Variants in ARHGEF10 observed in about 807,000 individuals in gnomAD.
The protein encoded by ARHGEF10 is Rho guanine nucleotide exchange factor (GEF) 10.
A neutral mutation model predicts 147.4 loss-of-function variants in ARHGEF10; 140 were observed. The observed-to-expected ratio is 0.95, with a 90% CI of 0.83 to 1.09. ARHGEF10 has a LOEUF of 1.09. Among genes scored for constraint, ARHGEF10 ranks in the 50% least tolerant of loss-of-function variants. The pLI is 0.00. For missense variants in ARHGEF10, 2,222 were observed against 1,752.7 expected, an observed-to-expected ratio of 1.27 and a Z score of -4.78; for synonymous variants, 902 against 695.8, an observed-to-expected ratio of 1.30 and a Z score of -4.67.
rs1814494767 is a variant in ARHGEF10, at chr8:1,945,497, A to G, written c.3239A>G (p.His1080Arg). Residue 1080 changes from histidine (H) to arginine (R), a missense_variant, in exon 27 of 29, where the codon CAC (histidine) becomes CGC (arginine). Physicochemically the swap from His to Arg is conservative, Grantham distance 29. Coordinates refer to ENST00000349830, the MANE Select transcript of ARHGEF10 (RefSeq NM_014629.4). ...ATTTCACAGGGTCAGCTGGAGGCCC[A>G]CCAGGAGGAAGGCATGGTGATCTCC... ...THAVEGQLEA[H>R]QEEGMVISHM... The G allele has an allele frequency of 6.2e-7, 1 of 1,606,540 alleles. No homozygotes were observed. Among genetic ancestry groups the G allele is most frequent in the South Asian group, 1.1e-5 (1 of 89,960 alleles).
chr8:1,950,037 G>C (rs1017213468), intron 27 of ARHGEF10, among the ~76,000 whole-genome samples: 11 of 152,178 alleles, frequency 7.2e-5, no homozygotes, highest in Non-Finnish European at 1.2e-4. Context: ...GCCTGCAGAA[G>C]GCCCTGGTGA....
At chr8:1,890,085 G>T (rs753891745) in intron 11 of ARHGEF10, among the ~76,000 whole-genome samples, 4 of 147,378 alleles carry the variant, frequency 2.7e-5, no homozygotes, top group African/African-American at 7.6e-5. Context: ...GTGGTGTGAG[G>T]GGTCTGTGAG....
At chr8:1,900,994 C>T (rs1008231594) in intron 15 of ARHGEF10, among the ~76,000 whole-genome samples, 1 of 152,054 alleles carries the variant, frequency 6.6e-6, no homozygotes, top group African/African-American at 2.4e-5. Flanking sequence ...TTTTTGCCCA[C>T]ATTTGATGAA....
chr8:1,946,317 G>A (rs1814586698), intron 27 of ARHGEF10, among the ~76,000 whole-genome samples: 1 of 152,220 alleles, frequency 6.6e-6, no homozygotes, highest in Non-Finnish European at 1.5e-5. Context: ...TAAGGGGAAG[G>A]CATGAAGTAA....
intron 4 of ARHGEF10, 29 bp downstream of exon 4, chr8:1,860,213 G>C (rs140947400): frequency 1.9e-6 from 3 of 1,607,060 alleles, no homozygotes; most frequent in Non-Finnish European, 8.5e-7. Context: ...CCACGCCCCC[G>C]AAGTGGCCTG....
intron 1 of ARHGEF10, among the ~76,000 whole-genome samples, chr8:1,835,716 G>A (rs1388476793): frequency 1.3e-5 from 2 of 152,162 alleles, no homozygotes; most frequent in Non-Finnish European, 2.9e-5. Context: ...GCACAGGTGC[G>A]GGTGTGTCCC....
intron 1 of ARHGEF10, among the ~76,000 whole-genome samples, chr8:1,836,718 T>C (rs926926425): frequency 6.6e-5 from 10 of 152,256 alleles, no homozygotes; most frequent in African/African-American, 2.4e-4. Flanking sequence ...GCCCCTGATA[T>C]GGTTTGGCTG....
chr8:1,838,759 G>C (rs1156508790), intron 1 of ARHGEF10, among the ~76,000 whole-genome samples: 2 of 152,246 alleles, frequency 1.3e-5, no homozygotes, highest in Non-Finnish European at 2.9e-5. Flanking sequence ...GGGGCCATCT[G>C]GCATGGGGGC....
At chr8:1,946,797 G>C (rs549990867) in intron 27 of ARHGEF10, among the ~76,000 whole-genome samples, 1 of 152,330 alleles carries the variant, frequency 6.6e-6, no homozygotes, top group Non-Finnish European at 1.5e-5. Context: ...AGGATGAGGA[G>C]GCCGAGGAGG....
intron 7 of ARHGEF10, 178 bp from the exon 8 acceptor site, chr8:1,876,393 T>C: frequency 1.5e-6 from 1 of 666,510 alleles, no homozygotes; most frequent in Non-Finnish European, 2.6e-6. Context: ...GCCCGGGTGG[T>C]GGAGGCGCTG....
At chr8:1,889,151 T>C (rs1809140590) in intron 11 of ARHGEF10, among the ~76,000 whole-genome samples, 1 of 78,896 alleles carries the variant, frequency 1.3e-5, no homozygotes, top group Non-Finnish European at 2.4e-5. Context: ...GTGAGGGTTG[T>C]GAGGAGACGC....
At chr8:1,892,842 A>C (rs752945057) in intron 11 of ARHGEF10, among the ~76,000 whole-genome samples, 1 of 152,112 alleles carries the variant, frequency 6.6e-6, no homozygotes, top group African/African-American at 2.4e-5. Context: ...TACAATGATC[A>C]CTAGCTGGAC....
At position 1,905,588 on chromosome 8, in the gene ARHGEF10, C is replaced by T. The variant is rs753668896; in HGVS notation, c.1839C>T (p.Ser613=). 1.9e-6 allele frequency: 3 copies of T among 1,614,062 alleles called. No homozygotes were observed. In the South Asian group the frequency reaches 3.3e-5, roughly 18 times the overall value. ...RYLNKLLSSG[S]RYLIRSDDMI... ...ATGTCCAGCTTCTCAGCAGTGGAAG[C>T]CGATACCTCATTCGATCAGATGATA... The change falls in exon 17 of 29, where the codon AGC becomes AGT. Residue 613 remains serine, a synonymous_variant. Coordinates refer to ENST00000349830, the MANE Select transcript of ARHGEF10 (RefSeq NM_014629.4).
At position 1,937,668 on chromosome 8, in the gene ARHGEF10, G is replaced by A. The variant is rs941709311; in HGVS notation, c.3222+3726G>A. 6.6e-6 allele frequency among the ~76,000 whole-genome samples: 1 copy of A among 152,228 alleles called. No individual in the cohort carries two copies. The highest frequency in any genetic ancestry group is 1.5e-5 in the Non-Finnish European group (1 of 68,026). Reference sequence around the variant, plus strand: ...TGCAGGGGAACTGTGGCCAGGGGCTGGGGCAGCCCACAGGACCTGAGCCCA... The same window carrying A: ...TGCAGGGGAACTGTGGCCAGGGGCTAGGGCAGCCCACAGGACCTGAGCCCA... On this transcript the variant is annotated intron_variant, in intron 26 of 28. Transcript: ENST00000349830. This position sits in a 1 kb window ranked among gnomAD's most constrained non-coding sequence, Gnocchi z 4.9.
chr8:1,844,713 G>A (rs866012467), intron 2 of ARHGEF10, among the ~76,000 whole-genome samples: 8 of 152,060 alleles, frequency 5.3e-5, no homozygotes, highest in Non-Finnish European at 8.8e-5. Flanking sequence ...GCTCGTTGTC[G>A]CCACAGTTCA....
chr8:1,858,258 TG>T (rs1563187329), intron 3 of ARHGEF10, 143 bp downstream of exon 3: 7 of 479,292 alleles, frequency 1.5e-5, no homozygotes, highest in African/African-American at 9.9e-5. Context: ...GTGAGTCCCC[TG>T]GGGGGTTCCC....
intron 2 of ARHGEF10, among the ~76,000 whole-genome samples, chr8:1,855,315 T>G (rs568680532): frequency 6.6e-6 from 1 of 152,362 alleles, no homozygotes; most frequent in East Asian, 1.9e-4. Flanking sequence ...CTAGTGTGAT[T>G]GTGTCACCGT....
At chr8:1,924,800 T>C (rs1812563094) in intron 21 of ARHGEF10, among the ~76,000 whole-genome samples, 1 of 152,276 alleles carries the variant, frequency 6.6e-6, no homozygotes, top group Admixed American at 6.5e-5. Context: ...AGATCAGCTA[T>C]ATATTCTTTA....
intron 4 of ARHGEF10, among the ~76,000 whole-genome samples, chr8:1,861,039 G>T (rs139460108): frequency 2.6e-5 from 4 of 152,208 alleles, no homozygotes; most frequent in African/African-American, 7.2e-5. Context: ...CACTGAGGAC[G>T]GTGTTCCCTG....
Sources: gnomAD v4.1 joint callset for allele counts (sites outside exome capture counted in the v4.1 genomes callset) on GRCh38, gnomAD v4.1.1 for gene constraint, Gnocchi (gnomAD v3.1) non-coding constraint, MANE v1.5 for transcripts, NCBI Gene and HGNC (gene_info 2026-07-23, HGNC 2026-07-21) for gene names.